Variants in XPO6 observed in about 807,000 individuals in gnomAD.
The protein encoded by XPO6 is exportin 6.
Under a neutral mutation model 130.0 loss-of-function variants are expected in XPO6, and 3 were observed. The ratio of observed to expected loss-of-function variants is 0.02; its 90% CI spans 0.01 to 0.06. The LOEUF (loss-of-function observed/expected upper bound fraction) is 0.06, where lower values mean the gene tolerates loss of function less well. Ranked by LOEUF, XPO6 falls within the 10% of genes least tolerant of loss-of-function variation. The pLI is 1.00. For missense variants in XPO6, 970 were observed against 1,393.0 expected (o/e 0.70, Z 4.83); for synonymous variants, 524 against 548.9 (o/e 0.95, Z 0.63).
chr16:28,168,616 T>TA (rs995862411), intron 5 of XPO6, among the ~76,000 whole-genome samples: 1 of 150,580 alleles, frequency 6.6e-6, no homozygotes, highest in Non-Finnish European at 1.5e-5. Flanking sequence ...TTTTTTTTTT[T>TA]AAAGAGACAG....
At position 28,156,246 on chromosome 16, in the gene XPO6, C is replaced by T; in HGVS notation, c.925G>A (p.Gly309Arg). The T allele has an allele frequency of 6.2e-7, 1 of 1,614,140 alleles. No individual in the cohort carries two copies. Among genetic ancestry groups the T allele is most frequent in the Non-Finnish European group, 8.5e-7 (1 of 1,180,028 alleles). ...CVSGQERGRL[G>R]VLAMSCINEL... ...TTGATGCAGGACATGGCCAGGACCC[C>T]CAGCCGGCCGCGCTCCTGACCCGAG... is the stretch of plus-strand genomic sequence containing the variant. The change falls in exon 7 of 24, where the codon GGG (glycine) becomes AGG (arginine). Residue 309 changes from glycine (G) to arginine (R), a missense_variant. By Grantham distance (125) the Gly-to-Arg change is moderately radical (BLOSUM62 -2). Transcript: ENST00000304658.
At chr16:28,177,499 T>G (rs2043551311) in intron 2 of XPO6, among the ~76,000 whole-genome samples, 167 bp from the exon 3 acceptor site, 1 of 152,240 alleles carries the variant, frequency 6.6e-6, no homozygotes, top group Non-Finnish European at 1.5e-5. Flanking sequence ...AATATTTTTC[T>G]GCGTCTGAGG....
intron 8 of XPO6, among the ~76,000 whole-genome samples, chr16:28,147,889 T>C (rs1001927267): frequency 6.6e-6 from 1 of 152,154 alleles, no homozygotes; most frequent in African/African-American, 2.4e-5. Flanking sequence ...GAGGTTGCAG[T>C]GAGCTGAGAT....
intron 8 of XPO6, among the ~76,000 whole-genome samples, chr16:28,151,179 TA>T (rs57769506): frequency 0.076 from 8,090 of 106,686 alleles, 835 homozygotes; most frequent in African/African-American, 0.25. Context: ...CACTAGTGGT[TA>T]AAAAAAAAAA....
intron 15 of XPO6, 66 bp downstream of exon 15, chr16:28,117,252 T>C (rs2087089627): frequency 1.9e-6 from 3 of 1,576,880 alleles, no homozygotes; most frequent in South Asian, 1.1e-5. Flanking sequence ...TTCTAGTAAA[T>C]GGGTATAGGA....
intron 14 of XPO6, among the ~76,000 whole-genome samples, chr16:28,119,041 G>C (rs752776803): frequency 6.6e-6 from 1 of 152,134 alleles, no homozygotes; most frequent in Admixed American, 6.5e-5. Context: ...GCTGAAACAG[G>C]GTCTCGCTCT....
chr16:28,146,769 C>T (rs901348028), intron 8 of XPO6, among the ~76,000 whole-genome samples: 3 of 152,156 alleles, frequency 2.0e-5, no homozygotes, highest in African/African-American at 7.2e-5. Context: ...GGGCATTATC[C>T]CATTTGCAAA....
chr16:28,121,657 A>C lies in XPO6; in HGVS notation c.1859+13T>G. ...TTTCCTAAAAATGCACAAACATCAAACTCTAGACTTACACATCAATGAGGT... is the reference window on the plus strand; with the variant it reads ...TTTCCTAAAAATGCACAAACATCAACCTCTAGACTTACACATCAATGAGGT... On this transcript the variant is annotated intron_variant, in intron 14 of 23. Coordinates refer to ENST00000304658, the MANE Select transcript of XPO6 (RefSeq NM_015171.4). 1 of 1,587,694 alleles carries C rather than the reference A, an allele frequency of 6.3e-7. No homozygotes were observed. The highest frequency in any genetic ancestry group is 8.7e-7 in the Non-Finnish European group (1 of 1,156,036).
intron 5 of XPO6, among the ~76,000 whole-genome samples, chr16:28,168,267 T>C (rs1482575235): frequency 6.6e-6 from 1 of 152,090 alleles, no homozygotes; most frequent in Non-Finnish European, 1.5e-5. Flanking sequence ...GGAGGATCAC[T>C]TGAGCCTAAG....
At chr16:28,105,875 A>G (rs1302222448) in intron 20 of XPO6, 168 bp downstream of exon 20, 1 of 999,024 alleles carries the variant, frequency 1.0e-6, no homozygotes, top group East Asian at 2.5e-5. Flanking sequence ...ATCAATATAA[A>G]AACACTGTAC....
At chr16:28,192,676 T>C (rs1393135987) in intron 1 of XPO6, among the ~76,000 whole-genome samples, 3 of 151,960 alleles carry the variant, frequency 2.0e-5, no homozygotes, top group African/African-American at 7.3e-5. Context: ...GGTGTACCAA[T>C]CAGATAAATC....
chr16:28,107,732 A>C, intron 17 of XPO6, 55 bp from the exon 18 acceptor site: 5 of 1,597,946 alleles, frequency 3.1e-6, no homozygotes, highest in Non-Finnish European at 4.3e-6. Context: ...AAGCATGGTA[A>C]GAGGAGACAC....
At chr16:28,142,036 C>T (rs2042904661) in intron 9 of XPO6, among the ~76,000 whole-genome samples, 1 of 152,240 alleles carries the variant, frequency 6.6e-6, no homozygotes, top group Non-Finnish European at 1.5e-5. Flanking sequence ...ATGCTTACCA[C>T]TTTGTTGTGA....
Position 28,132,504 on chromosome 16 carries a change from GA to G in XPO6, c.1537-102del. On this transcript the variant is annotated intron_variant, in intron 11 of 23. Transcript: ENST00000304658. This position sits in a 1 kb window ranked among gnomAD's most constrained non-coding sequence, Gnocchi z 4.0. ...CATTAACACGTAACTATGGTGTGAG[GA>G]ACAGGATCAAAACCTTTTCTCTGGG... is the stretch of plus-strand genomic sequence containing the variant. The G allele has an allele frequency of 2.5e-6, 2 of 786,994 alleles. No individual in the cohort carries two copies. The highest frequency in any genetic ancestry group is 4.0e-6 in the Non-Finnish European group (2 of 496,244). The allele number at this position is 786,994 out of a possible 1,614,324, so 48.8% of individuals were successfully genotyped here. A position where few individuals can be genotyped will look rare whatever the true frequency, so the allele number is the denominator to read the frequency against.
chr16:28,148,323 C>A (rs2043021180), intron 8 of XPO6, among the ~76,000 whole-genome samples: 1 of 152,160 alleles, frequency 6.6e-6, no homozygotes, highest in South Asian at 2.1e-4. Flanking sequence ...TCCTGCAGGC[C>A]CCACTGCGAG....
At chr16:28,130,170 G>A (rs2042636799) in intron 12 of XPO6, among the ~76,000 whole-genome samples, 1 of 152,234 alleles carries the variant, frequency 6.6e-6, no homozygotes, top group Non-Finnish European at 1.5e-5. Context: ...AAAAGCAAAA[G>A]TGGGAGCCTT....
Position 28,118,035 on chromosome 16 carries a change from A to T in XPO6, c.1860-573T>A, listed in dbSNP as rs1199081543. On this transcript the variant is annotated intron_variant, in intron 14 of 23. Coordinates refer to ENST00000304658, the MANE Select transcript of XPO6 (RefSeq NM_015171.4). Reference sequence around the variant, plus strand: ...CATCAAAAAAGTATGCAATTCATCAAATATAATAAACAATCAATCTTAAAC... The same window carrying T: ...CATCAAAAAAGTATGCAATTCATCATATATAATAAACAATCAATCTTAAAC... 3.3e-5 allele frequency among the ~76,000 whole-genome samples: 5 copies of T among 152,378 alleles called. No individual in the cohort carries two copies. The East Asian group carries it at 9.6e-4, about 29-fold the overall frequency.
intron 1 of XPO6, among the ~76,000 whole-genome samples, chr16:28,201,529 T>C (rs1421718039): frequency 7.2e-5 from 11 of 152,182 alleles, no homozygotes; most frequent in Admixed American, 6.5e-4. Context: ...CATTTTGCTC[T>C]TGAAACTTCT....
chr16:28,172,449 C>T (rs1235078381), intron 4 of XPO6, among the ~76,000 whole-genome samples: 1 of 152,144 alleles, frequency 6.6e-6, no homozygotes, highest in Non-Finnish European at 1.5e-5. Context: ...CCTTAAGTCT[C>T]TAGCCCCACG....
Sources: allele counts gnomAD v4.1 joint callset (sites outside exome capture counted in the v4.1 genomes callset), GRCh38; gene constraint gnomAD v4.1.1; non-coding constraint Gnocchi (gnomAD v3.1); transcripts MANE v1.5; gene names NCBI Gene and HGNC (gene_info 2026-07-23, HGNC 2026-07-21).